The following ERCC6 variants were observed in gnomAD, a reference collection of about 807,000 sequenced individuals.
ERCC6 encodes ERCC excision repair 6, chromatin remodeling factor, also known as DNA excision repair protein ERCC-6.
In ERCC6, 116 loss-of-function variants were observed where a neutral mutation model predicts 158.7. That is an observed-to-expected ratio of 0.73 (90% confidence interval 0.63 to 0.85). The LOEUF (loss-of-function observed/expected upper bound fraction) is 0.85. Among genes scored for constraint, ERCC6 ranks in the 40% least tolerant of loss-of-function variants. ERCC6 has a pLI of 0.00. For missense variants in ERCC6, 1,698 were observed against 1,799.4 expected, an observed-to-expected ratio of 0.94 and a Z score of 1.02; for synonymous variants, 678 against 659.3, an observed-to-expected ratio of 1.03 and a Z score of -0.43.
At chr10:49,516,614 G>A (rs1438682205) in intron 5 of ERCC6, 2 of 1,614,120 alleles carry the variant, frequency 1.2e-6, no homozygotes, top group African/African-American at 2.7e-5. Flanking sequence ...CACCTTTACT[G>A]CAAGCATATA....
At position 49,505,983 on chromosome 10, in the gene ERCC6, T is replaced by A; in HGVS notation, c.1427A>T (p.Lys476Ile). Reference protein sequence around the residue: ...RRWNKLRLQDKEKRLKLEDDS... With the variant: ...RRWNKLRLQDIEKRLKLEDDS... Reference sequence around the variant, plus strand: ...GTCCTCCAGCTTCAGACGTTTCTCTTTGTCCTGCAGTCTCAGTTTATTCCA... The same window carrying A: ...GTCCTCCAGCTTCAGACGTTTCTCTATGTCCTGCAGTCTCAGTTTATTCCA... Residue 476 changes from lysine to isoleucine, a missense_variant, in exon 6 of 21, where the codon AAA (lysine) becomes ATA (isoleucine). Lys to Ile is a moderately radical substitution (Grantham distance 102). Coordinates refer to ENST00000355832, the MANE Select transcript of ERCC6 (RefSeq NM_000124.4). 1 of 1,613,452 alleles carries A rather than the reference T, an allele frequency of 6.2e-7. No individual in the cohort carries two copies. Among genetic ancestry groups the A allele is most frequent in the Non-Finnish European group, 8.5e-7 (1 of 1,179,532 alleles).
intron 7 of ERCC6, among the ~76,000 whole-genome samples, chr10:49,496,268 C>T (rs770183037): frequency 2.0e-5 from 3 of 152,180 alleles, no homozygotes; most frequent in Non-Finnish European, 4.4e-5. Flanking sequence ...ACACAAATCA[C>T]CTTTACTGTA....
At chr10:49,531,217 C>A (rs4253023) in intron 2 of ERCC6, among the ~76,000 whole-genome samples, 8 of 152,100 alleles carry the variant, frequency 5.3e-5, no homozygotes, top group African/African-American at 9.7e-5. Flanking sequence ...GTTACGGAAG[C>A]CTTCCAAAGT....
At chr10:49,493,347 T>C in intron 7 of ERCC6, 95 bp from the exon 8 acceptor site, 2 of 1,484,082 alleles carry the variant, frequency 1.3e-6, no homozygotes, top group Non-Finnish European at 1.9e-6. Context: ...ACAAAAAACT[T>C]AGTTCAAAAA....
At chr10:49,491,790 A>G (rs4253145) in intron 8 of ERCC6, among the ~76,000 whole-genome samples, 15,162 of 152,204 alleles carry the variant, frequency 0.1, 1,114 homozygotes, top group East Asian at 0.38. Context: ...TTTATAAGAC[A>G]AACATCAGCT....
At chr10:49,515,786 C>T (rs745894239) in intron 5 of ERCC6, 2 of 1,614,148 alleles carry the variant, frequency 1.2e-6, no homozygotes. Flanking sequence ...CTTGTATCTT[C>T]TTTTTCAGTT....
At position 49,524,453 on chromosome 10, in the gene ERCC6, T is replaced by A; in HGVS notation, c.977A>T (p.Glu326Val). ...KKARVLSKKE[E>V]RLKKHIKKLQ... ...TTTCTTGATGTGCTTTTTCAAACGCTCCTCTTTTTTGGACAGAACTCTGGC... is the reference window on the plus strand; with the variant it reads ...TTTCTTGATGTGCTTTTTCAAACGCACCTCTTTTTTGGACAGAACTCTGGC... Residue 326 changes from glutamate (E) to valine (V), a missense_variant, in exon 5 of 21, where the codon GAG becomes GTG. Coordinates refer to ENST00000355832, the MANE Select transcript of ERCC6 (RefSeq NM_000124.4). 6.2e-7 allele frequency: 1 copy of A among 1,614,176 alleles called. No individual in the cohort carries two copies. Among genetic ancestry groups the A allele is most frequent in the Non-Finnish European group, 8.5e-7 (1 of 1,180,034 alleles).
intron 6 of ERCC6, chr10:49,504,112 T>C (rs1482667886): frequency 6.6e-6 from 1 of 152,164 alleles, no homozygotes; most frequent in African/African-American, 2.4e-5. Flanking sequence ...GTCAATTCAA[T>C]TCCACAGAAT....
Position 49,455,776 on chromosome 10 carries a change from A to G in ERCC6, c.*3039T>C, listed in dbSNP as rs1469201077. 1 of 152,252 alleles carries G rather than the reference A, an allele frequency of 6.6e-6. No homozygotes were observed. The highest frequency in any genetic ancestry group is 1.5e-5 in the Non-Finnish European group (1 of 68,034). 9.4% of individuals were successfully genotyped at this position (152,252 alleles called of 1,614,324 possible). On this transcript the variant is annotated 3_prime_UTR_variant, in exon 21 of 21. Coordinates refer to ENST00000355832, the MANE Select transcript of ERCC6 (RefSeq NM_000124.4). ...TCTACAAATGGCCAATAAACATGGA[A>G]ATGTTTGATTTTGTACGTAATCAGG...
intron 5 of ERCC6, chr10:49,516,652 T>A (rs767400753): frequency 6.2e-7 from 1 of 1,614,228 alleles, no homozygotes; most frequent in Non-Finnish European, 8.5e-7. Flanking sequence ...ATGAGTTCAA[T>A]GACCTCGTCA....
intron 5 of ERCC6, chr10:49,516,955 G>A: frequency 6.2e-7 from 1 of 1,614,056 alleles, no homozygotes; most frequent in Non-Finnish European, 8.5e-7. Context: ...AAAGAACCTG[G>A]CAGATTATTT....
chr10:49,450,816 A>ATT (rs57063540), downstream of ERCC6, among the ~76,000 whole-genome samples: 30 of 146,654 alleles, frequency 2.0e-4, no homozygotes, highest in Admixed American at 5.4e-4. Flanking sequence ...TAGAAATACG[A>ATT]TTTTTTTTTT....
chr10:49,476,404 C>A, intron 11 of ERCC6, 94 bp from the exon 12 acceptor site: 1 of 813,362 alleles, frequency 1.2e-6, no homozygotes, highest in African/African-American at 1.7e-5. Flanking sequence ...CAAAAGAGCA[C>A]AATGCATGCG....
chr10:49,487,143 GT>G (rs1851091344), intron 8 of ERCC6, among the ~76,000 whole-genome samples: 1 of 152,118 alleles, frequency 6.6e-6, no homozygotes, highest in Non-Finnish European at 1.5e-5. Flanking sequence ...ATTCAACAGA[GT>G]ATAAAAGGGT....
At chr10:49,460,718 C>T (rs1166725617) in intron 19 of ERCC6, among the ~76,000 whole-genome samples, 1 of 152,032 alleles carries the variant, frequency 6.6e-6, no homozygotes, top group Non-Finnish European at 1.5e-5. Flanking sequence ...GTCAGGAGGT[C>T]GAGACTAGCC....
the ERCC6 span, among the ~76,000 whole-genome samples, chr10:49,436,976 A>T: frequency 6.6e-6 from 1 of 152,156 alleles, no homozygotes; most frequent in South Asian, 2.1e-4. Context: ...TCCCCACCAA[A>T]TTTCATCTTG....
chr10:49,469,220 A>T (rs1167899157), intron 18 of ERCC6, among the ~76,000 whole-genome samples: 1 of 152,232 alleles, frequency 6.6e-6, no homozygotes, highest in Non-Finnish European at 1.5e-5. Context: ...AATTAATTAC[A>T]AAGGTAAAAA....
Position 49,458,701 on chromosome 10 carries a change from A to C in ERCC6, c.*114T>G. On this transcript the variant is annotated 3_prime_UTR_variant, in exon 21 of 21. Transcript: ENST00000355832. ...TTAATTCTGAGGTAGACATCATGCAAACAAACATCAAGTGCAGCCAACTTC... is the reference window on the plus strand; with the variant it reads ...TTAATTCTGAGGTAGACATCATGCACACAAACATCAAGTGCAGCCAACTTC... The C allele has an allele frequency of 9.5e-7, 1 of 1,052,406 alleles. No homozygotes were observed. Among genetic ancestry groups the C allele is most frequent in the Non-Finnish European group, 1.4e-6 (1 of 693,650 alleles). 65.2% of individuals were successfully genotyped at this position (1,052,406 alleles called of 1,614,324 possible).
rs1318810998 is a variant in ERCC6, at chr10:49,473,579, G to T, written c.2607C>A (p.Asp869Glu). The change falls in exon 14 of 21, where the codon GAC becomes GAA. Residue 869 changes from aspartate to glutamate, a missense_variant. Asp to Glu is a conservative substitution (Grantham distance 45). Transcript: ENST00000355832. ...GGGCTCTAAGGAATACTTCAAGTAT[G>T]TCCAGCATCTGTTTGGAGGTGGGGG... ...LLFSQSRQML[D>E]ILEVFLRAQK... The T allele has an allele frequency of 2.5e-6, 4 of 1,594,198 alleles. No homozygotes were observed. Among genetic ancestry groups the T allele is most frequent in the Non-Finnish European group, 2.6e-6 (3 of 1,161,852 alleles).
Sources: gnomAD v4.1 joint callset for allele counts (sites outside exome capture counted in the v4.1 genomes callset) on GRCh38, gnomAD v4.1.1 for gene constraint, MANE v1.5 for transcripts, NCBI Gene and HGNC (gene_info 2026-07-23, HGNC 2026-07-21) for gene names.